CDCA7L: variants seen among roughly 807,000 people sequenced by gnomAD.
CDCA7L encodes cell division cycle-associated 7-like protein.
In CDCA7L, 44 loss-of-function variants were observed where a neutral mutation model predicts 57.4. That is an observed-to-expected ratio of 0.77 (90% CI 0.60 to 0.98). CDCA7L has a LOEUF of 0.98. Ranked by LOEUF, CDCA7L falls within the 50% of genes least tolerant of loss-of-function variation. The probability of loss-of-function intolerance (pLI) is 0.00; values close to 1 mark genes in which losing one functional copy is unlikely to be tolerated. For missense variants in CDCA7L, 644 were observed against 580.6 expected (o/e 1.11, Z -1.12); for synonymous variants, 236 against 202.8 (o/e 1.16, Z -1.39).
intron 1 of CDCA7L, among the ~76,000 whole-genome samples, chr7:21,929,234 C>A (rs1372171052): frequency 6.6e-6 from 1 of 152,072 alleles, no homozygotes; most frequent in Non-Finnish European, 1.5e-5. Context: ...GAAATAAAAT[C>A]CTTTACAGAC....
intron 3 of CDCA7L, among the ~76,000 whole-genome samples, chr7:21,909,995 T>A (rs1310101954): frequency 6.6e-6 from 1 of 152,194 alleles, no homozygotes; most frequent in Non-Finnish European, 1.5e-5. Context: ...GAGGCAACAA[T>A]GCTTTTCTTC....
intron 1 of CDCA7L, among the ~76,000 whole-genome samples, chr7:21,925,497 T>A (rs966324190): frequency 6.6e-6 from 1 of 152,080 alleles, no homozygotes; most frequent in Non-Finnish European, 1.5e-5. Context: ...TTTTAAAAAA[T>A]TAAATACAGT....
chr7:21,920,365 T>C (rs188311478), intron 1 of CDCA7L, among the ~76,000 whole-genome samples: 3 of 152,338 alleles, frequency 2.0e-5, no homozygotes, highest in African/African-American at 2.4e-5. Flanking sequence ...ATTTTACATT[T>C]AGTCAGGTTC....
chr7:21,931,741 C>G (rs1786024433), intron 1 of CDCA7L, among the ~76,000 whole-genome samples: 2 of 152,190 alleles, frequency 1.3e-5, no homozygotes, highest in African/African-American at 4.8e-5. Flanking sequence ...TCTCTCTCAC[C>G]ACTCCTATTC....
intron 6 of CDCA7L, 75 bp downstream of exon 6, chr7:21,906,214 G>A: frequency 1.4e-6 from 2 of 1,422,752 alleles, no homozygotes; most frequent in Non-Finnish European, 1.9e-6. Flanking sequence ...GCCCTGGGGT[G>A]ACAGTGACGT....
At chr7:21,926,405 A>T (rs1198424883) in intron 1 of CDCA7L, among the ~76,000 whole-genome samples, 1 of 152,212 alleles carries the variant, frequency 6.6e-6, no homozygotes, top group Admixed American at 6.5e-5. Context: ...TCTAATAAGG[A>T]TCTACTATCT....
intron 2 of CDCA7L, among the ~76,000 whole-genome samples, chr7:21,914,442 T>C (rs984579669): frequency 6.6e-6 from 1 of 152,074 alleles, no homozygotes; most frequent in East Asian, 1.9e-4. Context: ...CAAAGCAATA[T>C]GGCACACGGA....
At chr7:21,923,523 C>T (rs995361908) in intron 1 of CDCA7L, among the ~76,000 whole-genome samples, 4 of 151,998 alleles carry the variant, frequency 2.6e-5, no homozygotes, top group Admixed American at 1.3e-4. Flanking sequence ...AAAGAAAAAC[C>T]GGGGTAGAGG....
intron 5 of CDCA7L, 51 bp from the exon 6 acceptor site, chr7:21,906,507 G>A: frequency 6.2e-7 from 1 of 1,611,592 alleles, no homozygotes; most frequent in Non-Finnish European, 8.5e-7. Flanking sequence ...TCGAATAAAA[G>A]CCGTCTGGTG....
chr7:21,926,702 C>CAA lies in CDCA7L; in HGVS notation c.25-9810_25-9809dup, dbSNP rs11427172. Among the ~76,000 whole-genome samples, 1,176 of 149,184 alleles carry CAA rather than the reference C, an allele frequency of 7.9e-3. 5 individuals are homozygous for CAA. Among genetic ancestry groups the CAA allele is most frequent in the African/African-American group, 0.017 (677 of 40,558 alleles). ...TGGGCAATGTAGCAAGACCCCATCTCAAAAAAAAAAATGTTTTTTAATTAC... is the reference window on the plus strand; with the variant it reads ...TGGGCAATGTAGCAAGACCCCATCTCAAAAAAAAAAAAATGTTTTTTAATTAC... On this transcript the variant is annotated intron_variant, in intron 1 of 9. Transcript: ENST00000406877.
At position 21,902,241 on chromosome 7, in the gene CDCA7L, A is replaced by T. The variant is rs1197220087; in HGVS notation, c.*81T>A. ...TCTGTATAAAAACACAACTGTAAAA[A>T]AATCTTTCTTAGGCACCAATGGTAT... On this transcript the variant is annotated 3_prime_UTR_variant, in exon 10 of 10. Transcript: ENST00000406877. 3 of 1,205,514 alleles carry T rather than the reference A, an allele frequency of 2.5e-6. No homozygotes were observed. Among genetic ancestry groups the T allele is most frequent in the Admixed American group, 4.2e-5 (2 of 47,566 alleles). The allele number at this position is 1,205,514 out of a possible 1,614,324, so 74.7% of individuals were successfully genotyped here. A position where few individuals can be genotyped will look rare whatever the true frequency, so the allele number is the denominator to read the frequency against.
chr7:21,910,304 C>A (rs1785275599), intron 3 of CDCA7L, among the ~76,000 whole-genome samples: 1 of 152,150 alleles, frequency 6.6e-6, no homozygotes, highest in Non-Finnish European at 1.5e-5. Context: ...ATGGAACTGC[C>A]ACACAAACAG....
At chr7:21,939,147 CA>C (rs1204788997) in intron 1 of CDCA7L, among the ~76,000 whole-genome samples, 7 of 152,134 alleles carry the variant, frequency 4.6e-5, no homozygotes, top group African/African-American at 7.2e-5. Context: ...CTAGGATAGT[CA>C]TATCCTCAGA....
chr7:21,902,528 C>CT, intron 9 of CDCA7L, 176 bp from the exon 10 acceptor site: 1 of 628,122 alleles, frequency 1.6e-6, no homozygotes, highest in Non-Finnish European at 2.8e-6. Context: ...TAGTACGCCC[C>CT]AAGCATGACT....
At chr7:21,909,360 C>T (rs562292470) in intron 3 of CDCA7L, among the ~76,000 whole-genome samples, 7 of 152,176 alleles carry the variant, frequency 4.6e-5, no homozygotes, top group African/African-American at 9.6e-5. Flanking sequence ...TGACCAGAAG[C>T]TAGAAAACTT....
chr7:21,911,338 A>G (rs1419595452), intron 3 of CDCA7L, among the ~76,000 whole-genome samples: 1 of 151,860 alleles, frequency 6.6e-6, no homozygotes, highest in Non-Finnish European at 1.5e-5. Flanking sequence ...AGAGAGATAA[A>G]TTCTTTGAGA....
chr7:21,945,866 GGCCC>G lies in CDCA7L; in HGVS notation c.-66_-63del, dbSNP rs1786510489. On this transcript the variant is annotated 5_prime_UTR_variant, in exon 1 of 10. Coordinates refer to ENST00000406877, the MANE Select transcript of CDCA7L (RefSeq NM_018719.5). ...GGCCACGGGAGCCCGGACTCACCACGGCCCGGCGCACCAAGAACGCCCCGCGCCC... is the reference window on the plus strand; with the variant it reads ...GGCCACGGGAGCCCGGACTCACCACGGGCGCACCAAGAACGCCCCGCGCCC... The G allele has an allele frequency of 6.5e-7, 1 of 1,539,382 alleles. No homozygotes were observed. Among genetic ancestry groups the G allele is most frequent in the Non-Finnish European group, 8.7e-7 (1 of 1,143,264 alleles).
chr7:21,930,492 C>T (rs1007266273), intron 1 of CDCA7L, among the ~76,000 whole-genome samples: 6 of 151,770 alleles, frequency 4.0e-5, no homozygotes, highest in Admixed American at 6.6e-5. Context: ...GTCAGGAGTT[C>T]GAGACCAGCC....
intron 1 of CDCA7L, among the ~76,000 whole-genome samples, chr7:21,930,754 A>C: frequency 6.6e-6 from 1 of 151,778 alleles, no homozygotes; most frequent in Admixed American, 6.6e-5. Flanking sequence ...ATCAAATTCA[A>C]AAGCTAGCAG....
Sources: gnomAD v4.1 joint callset for allele counts (sites outside exome capture counted in the v4.1 genomes callset) on GRCh38, gnomAD v4.1.1 for gene constraint, MANE v1.5 for transcripts, NCBI Gene and HGNC (gene_info 2026-07-23, HGNC 2026-07-21) for gene names.